The following CCND2 variants were observed in gnomAD, a reference collection of about 807,000 sequenced individuals.
The protein encoded by CCND2 is cyclin D2, also known as G1/S-specific cyclin-D2.
In CCND2, 6 loss-of-function variants were observed where a neutral mutation model predicts 30.2. That is an observed-to-expected ratio of 0.20 (90% CI 0.11 to 0.39). The LOEUF (loss-of-function observed/expected upper bound fraction) is 0.39. CCND2 is among the 10% of genes least tolerant of loss of function. The pLI is 1.00. For missense variants in CCND2, 235 were observed against 373.4 expected (o/e 0.63, Z 3.06); for synonymous variants, 150 against 153.1 (o/e 0.98, Z 0.15).
intron 3 of CCND2, among the ~76,000 whole-genome samples, chr12:4,286,193 A>G (rs1864020429): frequency 6.6e-6 from 1 of 152,220 alleles, no homozygotes; most frequent in Non-Finnish European, 1.5e-5. Context: ...TGAGCCTGAT[A>G]CTTTCTATCC....
rs966704680 is a variant in CCND2, at chr12:4,304,398, A to G, written c.*4389A>G. 2.6e-5 allele frequency: 6 copies of G among 233,534 alleles called. No individual in the cohort carries two copies. The highest frequency in any genetic ancestry group is 4.4e-5 in the African/African-American group (2 of 45,346). 14.5% of individuals were successfully genotyped at this position (233,534 alleles called of 1,614,324 possible). On this transcript the variant is annotated 3_prime_UTR_variant, in exon 5 of 5. Transcript: ENST00000261254. This position sits in a 1 kb window ranked among gnomAD's most constrained non-coding sequence, Gnocchi z 6.2. ...TTAAGCCAACAAACCCTCTGTAGCT[A>G]TAGAATGAGTGCAGGTTTCTATTGG...
chr12:4,276,152 A>C lies in CCND2; in HGVS notation c.343A>C (p.Thr115Pro). The C allele has an allele frequency of 6.2e-7, 1 of 1,614,196 alleles. No individual in the cohort carries two copies. Among genetic ancestry groups the C allele is most frequent in the Non-Finnish European group, 8.5e-7 (1 of 1,180,030 alleles). Residue 115 changes from threonine (T) to proline (P), a missense_variant, in exon 2 of 5, where the codon ACC becomes CCC. This residue lies in a region of CCND2 where 178 missense variants were observed against 322.8 expected (regional missense o/e 0.55). Coordinates refer to ENST00000261254, the MANE Select transcript of CCND2 (RefSeq NM_001759.4). The surrounding 1 kb of genome is among the most constrained non-coding windows in gnomAD (Gnocchi z 4.8). ...GTTCCTGGCCTCCAAACTCAAAGAGACCAGCCCGCTGACCGCGGAGAAGCT... is the reference window on the plus strand; with the variant it reads ...GTTCCTGGCCTCCAAACTCAAAGAGCCCAGCCCGCTGACCGCGGAGAAGCT... The part of the protein sequence containing the change: ...CMFLASKLKE[T>P]SPLTAEKLCI...
chr12:4,290,245 G>A (rs753024693), intron 4 of CCND2, among the ~76,000 whole-genome samples: 2 of 152,192 alleles, frequency 1.3e-5, no homozygotes, highest in Non-Finnish European at 2.9e-5. Flanking sequence ...GAGAAATGGC[G>A]CAGGGAGATG....
intron 1 of CCND2, among the ~76,000 whole-genome samples, chr12:4,275,797 A>AC (rs1863864422): frequency 6.6e-6 from 1 of 151,694 alleles, no homozygotes; most frequent in African/African-American, 2.4e-5. Context: ...CCCTGGGAAT[A>AC]CCAAAGCACT....
chr12:4,281,653 C>T (rs1291839250), intron 3 of CCND2, among the ~76,000 whole-genome samples: 1 of 151,986 alleles, frequency 6.6e-6, no homozygotes, highest in Non-Finnish European at 1.5e-5. Flanking sequence ...TGGCCGCCAA[C>T]CCTCAGGCCG....
Position 4,300,122 on chromosome 12 carries a change from C to A in CCND2, c.*113C>A. The stretch of plus-strand genomic sequence containing the variant: ...TGAAACTTAAAAAAAAAATTCTGCC[C>A]CCACCTAGATCATATTTAAAGATCT... On this transcript the variant is annotated 3_prime_UTR_variant, in exon 5 of 5. Transcript: ENST00000261254. 9.5e-7 allele frequency: 1 copy of A among 1,052,720 alleles called. No individual in the cohort carries two copies. The highest frequency in any genetic ancestry group is 1.3e-6 in the Non-Finnish European group (1 of 753,036). 65.2% of individuals were successfully genotyped at this position (1,052,720 alleles called of 1,614,324 possible).
chr12:4,295,503 G>A (rs1475730510), intron 4 of CCND2, among the ~76,000 whole-genome samples: 3 of 152,236 alleles, frequency 2.0e-5, no homozygotes, highest in African/African-American at 7.2e-5. Context: ...CAGGCTGGGT[G>A]TGGTGGCTCA....
At chr12:4,284,705 C>A (rs1863997809) in intron 3 of CCND2, among the ~76,000 whole-genome samples, 2 of 151,722 alleles carry the variant, frequency 1.3e-5, no homozygotes, top group South Asian at 4.2e-4. Context: ...CTCCTCTTCA[C>A]TCAAGAGCCT....
At chr12:4,291,664 C>T (rs1484340712) in intron 4 of CCND2, among the ~76,000 whole-genome samples, 1 of 152,142 alleles carries the variant, frequency 6.6e-6, no homozygotes, top group East Asian at 1.9e-4. Context: ...GCTCATCAGG[C>T]CTAACGTAGA....
In CCND2 at chr12:4,278,859, C is replaced by T. The variant is rs975747044; in HGVS notation, c.511C>T (p.Arg171Trp). ...EHILRKLPQQ[R>W]EKLSLIRKHA... ...CATCTTGCGCAAGCTGCCCCAGCAG[C>T]GGGAGAAGCTGTCTCTGATCCGCAA... Residue 171 changes from arginine (R) to tryptophan (W), a missense_variant, in exon 3 of 5, where the codon CGG (arginine) becomes TGG (tryptophan). By Grantham distance (101) the Arg-to-Trp change is moderately radical. This residue lies in a region of CCND2 where 178 missense variants were observed against 322.8 expected (regional missense o/e 0.55). Transcript: ENST00000261254. 6.2e-6 allele frequency: 10 copies of T among 1,614,052 alleles called. No homozygotes were observed. Among genetic ancestry groups the T allele is most frequent in the African/African-American group, 1.3e-5 (1 of 74,958 alleles).
chr12:4,292,762 G>C (rs547621549), intron 4 of CCND2, among the ~76,000 whole-genome samples: 54 of 152,236 alleles, frequency 3.5e-4, no homozygotes, highest in African/African-American at 1.2e-3. Context: ...TTGGCTGTAG[G>C]GGGGACGTCT....
At position 4,303,715 on chromosome 12, in the gene CCND2, A is replaced by G. The variant is rs1466511206; in HGVS notation, c.*3706A>G. ...GAAAGCCAAGGGCAGTTCCCTCCGC[A>G]GAACACCCCATGCGTGCTGAGAGGC... On this transcript the variant is annotated 3_prime_UTR_variant, in exon 5 of 5. Transcript: ENST00000261254. The surrounding 1 kb of genome is among the most constrained non-coding windows in gnomAD (Gnocchi z 4.6). 4.3e-6 allele frequency: 1 copy of G among 233,552 alleles called. No homozygotes were observed. Among genetic ancestry groups the G allele is most frequent in the Non-Finnish European group, 8.5e-6 (1 of 118,080 alleles). 14.5% of individuals were successfully genotyped at this position (233,552 alleles called of 1,614,324 possible).
intron 3 of CCND2, among the ~76,000 whole-genome samples, chr12:4,279,578 C>T (rs140375230): frequency 3.3e-5 from 5 of 152,080 alleles, no homozygotes; most frequent in Non-Finnish European, 4.4e-5. Context: ...CAGCCTTTAA[C>T]GTTGCAATTC....
At chr12:4,281,206 T>A (rs3217820) in intron 3 of CCND2, among the ~76,000 whole-genome samples, 42,865 of 152,184 alleles carry the variant, frequency 0.28, 6,812 homozygotes, top group Middle Eastern at 0.49. Flanking sequence ...GGCAGTTTCC[T>A]GGGTCTGGAA....
At position 4,274,770 on chromosome 12, in the gene CCND2, T is replaced by C. The variant is rs745470233; in HGVS notation, c.195+535T>C. On this transcript the variant is annotated intron_variant, in intron 1 of 4. Transcript: ENST00000261254. This position sits in a 1 kb window ranked among gnomAD's most constrained non-coding sequence, Gnocchi z 7.7. ...GAATTCGGGAGCCCCGGAAGTCCCA[T>C]TGAAGAAACGCGTGTTTCAGGGGAA... Among the ~76,000 whole-genome samples the C allele has an allele frequency of 2.5e-4, 38 of 152,132 alleles. No homozygotes were observed. Among genetic ancestry groups the C allele is most frequent in the Non-Finnish European group, 4.6e-4 (31 of 68,018 alleles).
intron 1 of CCND2, 53 bp from the exon 2 acceptor site, chr12:4,275,952 T>C: frequency 9.3e-7 from 1 of 1,077,494 alleles, no homozygotes; most frequent in Non-Finnish European, 1.3e-6. Context: ...TCTCTTTTGC[T>C]GATGCTATGC....
intron 2 of CCND2, among the ~76,000 whole-genome samples, chr12:4,278,085 G>A (rs1863898552): frequency 6.6e-6 from 1 of 152,232 alleles, no homozygotes; most frequent in Non-Finnish European, 1.5e-5. Context: ...TCTGCAAAAT[G>A]AGGTTGCTAA....
chr12:4,286,183 T>G (rs1433201148), intron 3 of CCND2, among the ~76,000 whole-genome samples: 2 of 152,228 alleles, frequency 1.3e-5, no homozygotes, highest in Non-Finnish European at 2.9e-5. Flanking sequence ...CGACATACGG[T>G]GAGCCTGATA....
At chr12:4,291,446 G>GA (rs3217872) in intron 4 of CCND2, among the ~76,000 whole-genome samples, 2,791 of 152,194 alleles carry the variant, frequency 0.018, 92 homozygotes, top group African/African-American at 0.065. Context: ...AGTCTTTACT[G>GA]AAGGCCCAGT....
Sources: gnomAD v4.1 joint callset for allele counts (sites outside exome capture counted in the v4.1 genomes callset) on GRCh38, gnomAD v4.1.1 for gene constraint, gnomAD v4.1.1 regional missense constraint, Gnocchi (gnomAD v3.1) non-coding constraint, MANE v1.5 for transcripts, NCBI Gene and HGNC (gene_info 2026-07-23, HGNC 2026-07-21) for gene names.